Variants in DCAF5 observed in about 807,000 individuals in gnomAD.
The protein encoded by DCAF5 is DDB1 and CUL4 associated factor 5, also known as DDB1- and CUL4-associated factor 5.
DCAF5 carries 9 observed loss-of-function variants against 80.7 expected under a neutral mutation model. The observed-to-expected ratio is 0.11, with a 90% CI of 0.07 to 0.19. The LOEUF is 0.19. Ranked by LOEUF, DCAF5 falls within the 10% of genes least tolerant of loss-of-function variation. The pLI is 1.00. For synonymous variants in DCAF5, 433 were observed against 461.9 expected, an observed-to-expected ratio of 0.94 and a Z score of 0.80; for missense variants, 842 against 1,205.7, an observed-to-expected ratio of 0.70 and a Z score of 4.47.
chr14:69,060,233 A>G (rs2038154495), intron 8 of DCAF5, among the ~76,000 whole-genome samples: 1 of 152,236 alleles, frequency 6.6e-6, no homozygotes, highest in Non-Finnish European at 1.5e-5. Context: ...CAGCAGCAGA[A>G]TCAGGATGCT....
In DCAF5 at chr14:69,088,743, C is replaced by T. The variant is rs541910198; in HGVS notation, c.879+2931G>A. Among the ~76,000 whole-genome samples the T allele has an allele frequency of 5.9e-5, 9 of 152,284 alleles. No homozygotes were observed. The East Asian group carries it at 1.5e-3, about 26-fold the overall frequency. On this transcript the variant is annotated intron_variant, in intron 6 of 8. Transcript: ENST00000341516. ...AAGTTCCAGAACACAGAGCCTCAGG[C>T]TGTGGGTGTTCTCAGAGCACACAGG...
chr14:69,143,307 C>T (rs2041429041), intron 1 of DCAF5, among the ~76,000 whole-genome samples: 1 of 152,176 alleles, frequency 6.6e-6, no homozygotes, highest in African/African-American at 2.4e-5. Flanking sequence ...AAGCAGTTAG[C>T]ATGTCTCAGA....
chr14:69,097,796 A>C (rs930164271), intron 5 of DCAF5, among the ~76,000 whole-genome samples: 2 of 151,804 alleles, frequency 1.3e-5, no homozygotes, highest in African/African-American at 4.8e-5. Context: ...CATGTTGACC[A>C]GGCTGGTCTT....
chr14:69,134,072 G>C (rs1219791535), intron 1 of DCAF5, among the ~76,000 whole-genome samples: 3 of 152,092 alleles, frequency 2.0e-5, no homozygotes, highest in Non-Finnish European at 4.4e-5. Context: ...GAGATGTAAG[G>C]CACCTAAGAG....
At chr14:69,095,554 C>CAT in intron 5 of DCAF5, among the ~76,000 whole-genome samples, 1 of 151,844 alleles carries the variant, frequency 6.6e-6, no homozygotes, top group Non-Finnish European at 1.5e-5. Context: ...TTTAAGTACA[C>CAT]ACACACACAC....
chr14:69,058,411 C>G (rs1022739634), intron 8 of DCAF5, among the ~76,000 whole-genome samples: 11 of 151,726 alleles, frequency 7.2e-5, no homozygotes. Flanking sequence ...CCCAGCTACT[C>G]GGGAGGCTGA....
intron 1 of DCAF5, among the ~76,000 whole-genome samples, chr14:69,151,587 C>T (rs1360008879): frequency 6.6e-6 from 1 of 152,186 alleles, no homozygotes; most frequent in Admixed American, 6.5e-5. Flanking sequence ...GCCCAATCAG[C>T]CGTCTTCACC....
Position 69,112,251 on chromosome 14 carries a change from T to C in DCAF5, c.665+4115A>G, listed in dbSNP as rs1291644652. 3.2e-4 allele frequency among the ~76,000 whole-genome samples: 49 copies of C among 152,146 alleles called. 1 individual carries two copies. The highest frequency in any genetic ancestry group is 3.2e-3 in the Admixed American group (49 of 15,268). ...TTCCAGGGTTATAAAAGGTAAGAAGTTTGAACAGGTTCTAGGCCATGAGAC... is the reference window on the plus strand; with the variant it reads ...TTCCAGGGTTATAAAAGGTAAGAAGCTTGAACAGGTTCTAGGCCATGAGAC... On this transcript the variant is annotated intron_variant, in intron 5 of 8. Transcript: ENST00000341516.
At chr14:69,141,141 A>T (rs1324964994) in intron 1 of DCAF5, among the ~76,000 whole-genome samples, 15 of 120,500 alleles carry the variant, frequency 1.2e-4, no homozygotes, top group African/African-American at 7.0e-4. Context: ...CTCAAATTTA[A>T]AAAAAAAAAA....
chr14:69,076,919 A>T (rs894294045), intron 6 of DCAF5, among the ~76,000 whole-genome samples: 1 of 152,234 alleles, frequency 6.6e-6, no homozygotes, highest in African/African-American at 2.4e-5. Context: ...GCAGGAAGCC[A>T]TCACCAACAT....
chr14:69,124,577 C>G (rs2040821060), intron 1 of DCAF5, among the ~76,000 whole-genome samples: 1 of 152,148 alleles, frequency 6.6e-6, no homozygotes, highest in African/African-American at 2.4e-5. Flanking sequence ...CCACAGTGTT[C>G]TCTTTATGAT....
chr14:69,102,402 C>T (rs531080674), intron 5 of DCAF5, among the ~76,000 whole-genome samples: 164 of 152,038 alleles, frequency 1.1e-3, no homozygotes, highest in African/African-American at 3.8e-3. Flanking sequence ...CCACCGCGCC[C>T]GACCATTAGT....
At chr14:69,104,858 TAA>T (rs879449258) in intron 5 of DCAF5, among the ~76,000 whole-genome samples, 2 of 142,154 alleles carry the variant, frequency 1.4e-5, no homozygotes, top group Non-Finnish European at 1.5e-5. Context: ...ACTCTGTCTT[TAA>T]AAAAAAAAAA....
At chr14:69,080,923 C>A (rs1208380274) in intron 6 of DCAF5, among the ~76,000 whole-genome samples, 1 of 151,944 alleles carries the variant, frequency 6.6e-6, no homozygotes, top group Non-Finnish European at 1.5e-5. Context: ...AAATTCATTG[C>A]CTTCTCTAAG....
intron 6 of DCAF5, among the ~76,000 whole-genome samples, chr14:69,088,409 CA>C (rs1256970371): frequency 6.6e-6 from 1 of 152,196 alleles, no homozygotes; most frequent in Non-Finnish European, 1.5e-5. Context: ...TGGCAATGAG[CA>C]TGAGGGAGAC....
chr14:69,143,950 C>T (rs1012980977), intron 1 of DCAF5: 7 of 152,474 alleles, frequency 4.6e-5, no homozygotes, highest in African/African-American at 9.7e-5. Context: ...CATTCAGACC[C>T]GCCATATTTC....
At chr14:69,060,537 C>CT (rs60838164) in intron 8 of DCAF5, among the ~76,000 whole-genome samples, 19,630 of 147,514 alleles carry the variant, frequency 0.13, 1,345 homozygotes, top group Middle Eastern at 0.23. Flanking sequence ...TATTATATTT[C>CT]TTTTTTTTTT....
chr14:69,144,863 G>A (rs1365246582), intron 1 of DCAF5, among the ~76,000 whole-genome samples: 1 of 152,128 alleles, frequency 6.6e-6, no homozygotes, highest in East Asian at 1.9e-4. Context: ...CCGACAGCCA[G>A]AGACAATGCA....
chr14:69,108,910 G>T (rs761453392), intron 5 of DCAF5, among the ~76,000 whole-genome samples: 19 of 152,068 alleles, frequency 1.2e-4, no homozygotes, highest in Non-Finnish European at 2.4e-4. Flanking sequence ...GACTCTTCTC[G>T]TTCTCTCTTT....
Sources: allele counts gnomAD v4.1 joint callset (sites outside exome capture counted in the v4.1 genomes callset), GRCh38; gene constraint gnomAD v4.1.1; transcripts MANE v1.5; gene names NCBI Gene and HGNC (gene_info 2026-07-23, HGNC 2026-07-21).